Variants in GRM8 observed in about 807,000 individuals in gnomAD.
The protein encoded by GRM8 is glutamate metabotropic receptor 8.
Under a neutral mutation model 87.2 loss-of-function variants are expected in GRM8, and 47 were observed. That is an observed-to-expected ratio of 0.54 (90% CI 0.43 to 0.69). The LOEUF is 0.69. GRM8 is among the 30% of genes least tolerant of loss of function. GRM8 has a pLI of 0.00. For synonymous variants in GRM8, 396 were observed against 404.5 expected (o/e 0.98, Z 0.25); for missense variants, 1,019 against 1,139.2 (o/e 0.89, Z 1.52).
At chr7:126,713,750 G>T (rs1362309089) in intron 7 of GRM8, among the ~76,000 whole-genome samples, 1 of 151,848 alleles carries the variant, frequency 6.6e-6, no homozygotes, top group African/African-American at 2.4e-5. Flanking sequence ...TAAACTTTCA[G>T]TTATAATGAA....
intron 2 of GRM8, among the ~76,000 whole-genome samples, chr7:127,130,714 C>T (rs1827641902): frequency 6.6e-6 from 1 of 152,142 alleles, no homozygotes; most frequent in South Asian, 2.1e-4. Context: ...ACCCAAATTT[C>T]ATCTGGCATT....
At chr7:126,699,627 G>A (rs1809719139) in intron 7 of GRM8, among the ~76,000 whole-genome samples, 1 of 151,832 alleles carries the variant, frequency 6.6e-6, no homozygotes, top group Non-Finnish European at 1.5e-5. Flanking sequence ...TTATGTTTCT[G>A]CATCTTTACT....
chr7:127,148,364 C>T (rs1449024467), intron 2 of GRM8, among the ~76,000 whole-genome samples: 4 of 150,760 alleles, frequency 2.7e-5, no homozygotes, highest in Non-Finnish European at 4.4e-5. Context: ...GATAGCAATA[C>T]AATGATCATA....
chr7:126,950,140 G>C (rs1398451054), intron 3 of GRM8, among the ~76,000 whole-genome samples: 1 of 152,170 alleles, frequency 6.6e-6, no homozygotes. Flanking sequence ...TGAGGACCCA[G>C]GTGATTCAAA....
intron 3 of GRM8, among the ~76,000 whole-genome samples, chr7:127,030,083 C>A (rs1817208072): frequency 6.6e-6 from 1 of 152,050 alleles, no homozygotes; most frequent in African/African-American, 2.4e-5. Context: ...TTTCTGAAGG[C>A]AGCACCCTCT....
intron 7 of GRM8, among the ~76,000 whole-genome samples, chr7:126,669,240 C>T (rs904590362): frequency 5.9e-5 from 9 of 151,970 alleles, no homozygotes; most frequent in Non-Finnish European, 7.4e-5. Flanking sequence ...ACCTAGATAA[C>T]GGTTTCATAG....
intron 2 of GRM8, among the ~76,000 whole-genome samples, chr7:127,218,565 TA>T (rs1366824805): frequency 6.6e-6 from 1 of 152,104 alleles, no homozygotes; most frequent in Non-Finnish European, 1.5e-5. Context: ...GACAACTGAG[TA>T]AAATGCTGAG....
At chr7:127,134,986 A>G (rs1024834872) in intron 2 of GRM8, among the ~76,000 whole-genome samples, 2 of 152,136 alleles carry the variant, frequency 1.3e-5, no homozygotes, top group African/African-American at 4.8e-5. Context: ...TATAATAGGC[A>G]AAAAGATTTT....
intron 3 of GRM8, among the ~76,000 whole-genome samples, chr7:127,068,430 G>T (rs894744553): frequency 2.6e-5 from 4 of 152,166 alleles, no homozygotes; most frequent in Non-Finnish European, 5.9e-5. Flanking sequence ...ATTTGTGGAT[G>T]CATGGGACAG....
chr7:127,020,496 T>C (rs1816155880), intron 3 of GRM8, among the ~76,000 whole-genome samples: 1 of 152,058 alleles, frequency 6.6e-6, no homozygotes, highest in Non-Finnish European at 1.5e-5. Flanking sequence ...TGAGTTGTCT[T>C]TCTGACTATT....
At chr7:127,214,215 A>T (rs1796384332) in intron 2 of GRM8, among the ~76,000 whole-genome samples, 1 of 152,212 alleles carries the variant, frequency 6.6e-6, no homozygotes, top group African/African-American at 2.4e-5. Flanking sequence ...ACCTTGGAGT[A>T]ATACTAGTTG....
chr7:126,528,353 AT>A (rs1045521836), intron 9 of GRM8, among the ~76,000 whole-genome samples: 4 of 152,224 alleles, frequency 2.6e-5, no homozygotes, highest in Non-Finnish European at 4.4e-5. Flanking sequence ...TCATTCGAAT[AT>A]ATTCAGTCAT....
intron 7 of GRM8, among the ~76,000 whole-genome samples, chr7:126,698,694 T>C (rs372791796): frequency 6.6e-6 from 1 of 152,150 alleles, no homozygotes; most frequent in African/African-American, 2.4e-5. Context: ...GAATTGTCTG[T>C]CATGAATGAA....
chr7:126,894,946 C>T (rs1460755070), intron 6 of GRM8, among the ~76,000 whole-genome samples: 2 of 152,104 alleles, frequency 1.3e-5, no homozygotes, highest in South Asian at 2.1e-4. Flanking sequence ...TGTGTATTTA[C>T]GATTGACAGT....
At chr7:126,620,828 CAAT>C (rs1297300360) in intron 7 of GRM8, among the ~76,000 whole-genome samples, 1 of 152,176 alleles carries the variant, frequency 6.6e-6, no homozygotes, top group African/African-American at 2.4e-5. Context: ...ATGCAAAACA[CAAT>C]GTAAAAATAA....
intron 3 of GRM8, among the ~76,000 whole-genome samples, chr7:127,024,669 C>T (rs1381411067): frequency 6.6e-6 from 1 of 152,046 alleles, no homozygotes. Flanking sequence ...AGAAATTGAT[C>T]CCTGACCTCA....
In GRM8 at chr7:126,621,931, A is replaced by G. The variant is rs1038318535; in HGVS notation, c.1358-12433T>C. ...TTTGTCACACTGCTTCGCTCCCATGATAGTGACTCTTCTCTCCTATTCCTA... is the reference window on the plus strand; with the variant it reads ...TTTGTCACACTGCTTCGCTCCCATGGTAGTGACTCTTCTCTCCTATTCCTA... On this transcript the variant is annotated intron_variant, in intron 7 of 10. Coordinates refer to ENST00000339582, the MANE Select transcript of GRM8 (RefSeq NM_000845.3). Among the ~76,000 whole-genome samples the G allele has an allele frequency of 1.1e-4, 16 of 152,208 alleles. 1 individual carries two copies. In the East Asian group the frequency reaches 2.9e-3, roughly 28 times the overall value.
intron 3 of GRM8, among the ~76,000 whole-genome samples, chr7:127,050,971 C>T (rs1819411777): frequency 6.6e-6 from 1 of 152,110 alleles, no homozygotes; most frequent in South Asian, 2.1e-4. Context: ...TTCTCTCACA[C>T]AAAAGCTTGC....
chr7:126,528,359 A>G (rs1814240903), intron 9 of GRM8, among the ~76,000 whole-genome samples: 1 of 152,214 alleles, frequency 6.6e-6, no homozygotes, highest in African/African-American at 2.4e-5. Flanking sequence ...GAATATATTC[A>G]GTCATTAAAC....
Sources: allele counts gnomAD v4.1 joint callset (sites outside exome capture counted in the v4.1 genomes callset), GRCh38; gene constraint gnomAD v4.1.1; transcripts MANE v1.5; gene names NCBI Gene and HGNC (gene_info 2026-07-23, HGNC 2026-07-21).